The following N4BP1 variants were observed in gnomAD, a reference collection of about 807,000 sequenced individuals.
The protein encoded by N4BP1 is NEDD4-binding protein 1.
Under a neutral mutation model 70.9 loss-of-function variants are expected in N4BP1, and 21 were observed. That is an observed-to-expected ratio of 0.30 (90% CI 0.21 to 0.43). The LOEUF (loss-of-function observed/expected upper bound fraction) is 0.43. Ranked by LOEUF, N4BP1 falls within the 20% of genes least tolerant of loss-of-function variation. The pLI is 1.00. For synonymous variants in N4BP1, 387 were observed against 394.6 expected (o/e 0.98, Z 0.23); for missense variants, 936 against 1,069.4 (o/e 0.88, Z 1.74).
chr16:48,558,578 A>G (rs1963793812), intron 2 of N4BP1, among the ~76,000 whole-genome samples: 1 of 152,236 alleles, frequency 6.6e-6, no homozygotes, highest in Non-Finnish European at 1.5e-5. Flanking sequence ...TATAAAAAGC[A>G]TCAGGATCGC....
At chr16:48,544,369 T>C (rs772673752) in intron 6 of N4BP1, among the ~76,000 whole-genome samples, 3 of 152,302 alleles carry the variant, frequency 2.0e-5, no homozygotes, top group East Asian at 1.9e-4. Context: ...GTGGTTCCTG[T>C]TGCAAATGGA....
chr16:48,551,070 A>G (rs1963658814), intron 4 of N4BP1, among the ~76,000 whole-genome samples: 1 of 152,188 alleles, frequency 6.6e-6, no homozygotes, highest in South Asian at 2.1e-4. Context: ...GAGAGGAGAT[A>G]ATATTTGAAA....
chr16:48,601,622 A>G (rs561419362), intron 1 of N4BP1, among the ~76,000 whole-genome samples: 98 of 152,344 alleles, frequency 6.4e-4, no homozygotes, highest in South Asian at 3.9e-3. Context: ...CTTATTTATC[A>G]AGTAATGTAA....
chr16:48,561,154 C>T lies in N4BP1; in HGVS notation c.1489G>A (p.Ala497Thr), dbSNP rs1322897125. ...TTGACTTCTTTGGGACTTGGAGAGGCAACAGAAGGTGAAAGGCCATCAGTT... is the reference window on the plus strand; with the variant it reads ...TTGACTTCTTTGGGACTTGGAGAGGTAACAGAAGGTGAAAGGCCATCAGTT... ...PETDGLSPSV[A>T]SPSPKEVNFV... The change falls in exon 2 of 7, where the codon GCC becomes ACC. Residue 497 changes from alanine (A) to threonine (T), a missense_variant. By Grantham distance (58) the Ala-to-Thr change is moderately conservative. Transcript: ENST00000262384. 1 of 1,614,014 alleles carries T rather than the reference C, an allele frequency of 6.2e-7. No individual in the cohort carries two copies. Among genetic ancestry groups the T allele is most frequent in the Admixed American group, 1.7e-5 (1 of 60,020 alleles).
At chr16:48,548,767 C>A (rs1248710729) in intron 4 of N4BP1, among the ~76,000 whole-genome samples, 3 of 146,334 alleles carry the variant, frequency 2.1e-5, no homozygotes, top group Non-Finnish European at 4.4e-5. Context: ...TGAGCCCAGG[C>A]AGGTGGAGGG....
intron 6 of N4BP1, among the ~76,000 whole-genome samples, chr16:48,544,353 C>G (rs1038375212): frequency 6.6e-6 from 1 of 152,236 alleles, no homozygotes; most frequent in Non-Finnish European, 1.5e-5. Context: ...AAACCTACAG[C>G]TCCCAGTGGT....
chr16:48,596,181 T>C (rs1221369049), intron 1 of N4BP1, among the ~76,000 whole-genome samples: 1 of 152,184 alleles, frequency 6.6e-6, no homozygotes, highest in African/African-American at 2.4e-5. Context: ...TGCCTGTTAT[T>C]GTTGTTTTTG....
intron 1 of N4BP1, among the ~76,000 whole-genome samples, chr16:48,602,376 C>A (rs1964515448): frequency 6.6e-6 from 1 of 152,186 alleles, no homozygotes. Context: ...ATATCAATTT[C>A]ATAAAAAGCC....
At chr16:48,599,326 A>G (rs1964463812) in intron 1 of N4BP1, among the ~76,000 whole-genome samples, 1 of 152,152 alleles carries the variant, frequency 6.6e-6, no homozygotes, top group South Asian at 2.1e-4. Context: ...ATTCCTAAGG[A>G]GCTAATGGGG....
Position 48,609,699 on chromosome 16 carries a change from G to A in N4BP1, c.198+76C>T, listed in dbSNP as rs143072279. 1,850 of 1,178,750 alleles carry A rather than the reference G, an allele frequency of 1.6e-3. 28 individuals carry two copies. In the African/African-American group the frequency reaches 0.028, roughly 18 times the overall value. 73.0% of individuals were successfully genotyped at this position (1,178,750 alleles called of 1,614,324 possible). ...CCAGGCGCATCGCGGCGGACGGCGG[G>A]GGCGGGGAGGAGCGGGAGCCCGGAG... On this transcript the variant is annotated intron_variant, in intron 1 of 6. Transcript: ENST00000262384.
intron 1 of N4BP1, among the ~76,000 whole-genome samples, chr16:48,597,381 T>C (rs1010887887): frequency 6.6e-6 from 1 of 152,198 alleles, no homozygotes; most frequent in African/African-American, 2.4e-5. Flanking sequence ...AAGATAGTTA[T>C]AATTAAGTAT....
intron 1 of N4BP1, among the ~76,000 whole-genome samples, chr16:48,566,578 T>A (rs533983049): frequency 7.4e-4 from 112 of 152,346 alleles, no homozygotes; most frequent in African/African-American, 2.6e-3. Flanking sequence ...AAACACTGTA[T>A]GATTTCAATT....
rs1963482824 is a variant in N4BP1 at position 48,540,628 on chromosome 16, A to C, written c.*2276T>G. The C allele has an allele frequency of 6.6e-6, 1 of 152,326 alleles. No homozygotes were observed. Among genetic ancestry groups the C allele is most frequent in the Non-Finnish European group, 1.5e-5 (1 of 68,108 alleles). 9.4% of individuals were successfully genotyped at this position (152,326 alleles called of 1,614,324 possible). ...CCTCAGGACAACCTCTCTGAGCAAC[A>C]GACATCCTCCCTGTTGAATGAGAGT... On this transcript the variant is annotated 3_prime_UTR_variant, in exon 7 of 7. Coordinates refer to ENST00000262384, the MANE Select transcript of N4BP1 (RefSeq NM_153029.4).
At chr16:48,578,996 GCATTTGACAATGCCAAGAGA>G (rs112045032) in intron 1 of N4BP1, among the ~76,000 whole-genome samples, 60,191 of 150,346 alleles carry the variant, frequency 0.4, 12,836 homozygotes, top group African/African-American at 0.56. Flanking sequence ...CTTCCTTGGG[GCATTTGACAATGCCAAGAGA>G]CATTTGACAA....
Position 48,609,989 on chromosome 16 carries a change from C to G in N4BP1, c.-17G>C. 8.5e-7 allele frequency: 1 copy of G among 1,181,964 alleles called. No individual in the cohort carries two copies. 73.2% of individuals were successfully genotyped at this position (1,181,964 alleles called of 1,614,324 possible). ...GGCCGCCATGGCGGGCGCGGCCTCC[C>G]GCGGCGGCGCCGGGGGCCGGCGGCG... On this transcript the variant is annotated 5_prime_UTR_variant, in exon 1 of 7. Transcript: ENST00000262384.
In N4BP1 at chr16:48,561,992, C is replaced by G. The variant is rs761853391; in HGVS notation, c.651G>C (p.Gln217His). The change falls in exon 2 of 7, where the codon CAG becomes CAC. Residue 217 changes from glutamine (Q) to histidine (H), a missense_variant. Around this residue, in one of 4 missense-constraint regions of N4BP1, gnomAD observed 515 missense variants for 491.7 expected, o/e 1.05. Coordinates refer to ENST00000262384, the MANE Select transcript of N4BP1 (RefSeq NM_153029.4). The part of the protein sequence containing the change: ...MRDSQQTEFT[Q>H]NAATGLNISR... ...AAATATTCAGCCCTGTGGCAGCATT[C>G]TGTGTAAACTCTGTTTGTTGAGAAT... 3 of 1,613,926 alleles carry G rather than the reference C, an allele frequency of 1.9e-6. No individual in the cohort carries two copies. Among genetic ancestry groups the G allele is most frequent in the Non-Finnish European group, 2.5e-6 (3 of 1,179,890 alleles).
At chr16:48,603,422 C>G (rs1244955790) in intron 1 of N4BP1, among the ~76,000 whole-genome samples, 1 of 152,078 alleles carries the variant, frequency 6.6e-6, no homozygotes, top group African/African-American at 2.4e-5. Context: ...TGATGGGCAG[C>G]TGTGGTCAGT....
At chr16:48,546,278 C>T (rs369340240) in intron 5 of N4BP1, 24 bp from the exon 6 acceptor site, 249 of 1,543,826 alleles carry the variant, frequency 1.6e-4, no homozygotes, top group Middle Eastern at 3.4e-4. Flanking sequence ...CACCATGAGG[C>T]TGAGAGACAG....
At chr16:48,605,593 A>G (rs77053287) in intron 1 of N4BP1, among the ~76,000 whole-genome samples, 2,060 of 152,080 alleles carry the variant, frequency 0.014, 41 homozygotes, top group African/African-American at 0.047. Flanking sequence ...TCTTATAAGG[A>G]CTTCTCACTC....
Sources: allele counts gnomAD v4.1 joint callset (sites outside exome capture counted in the v4.1 genomes callset), GRCh38; gene constraint gnomAD v4.1.1; regional missense constraint gnomAD v4.1.1; transcripts MANE v1.5; gene names NCBI Gene and HGNC (gene_info 2026-07-23, HGNC 2026-07-21).